Variants in SGCZ observed in about 807,000 individuals in gnomAD.
SGCZ encodes the protein zeta-sarcoglycan.
In SGCZ, 40 loss-of-function variants were observed where a neutral mutation model predicts 41.3. The ratio of observed to expected loss-of-function variants is 0.97; its 90% confidence interval spans 0.75 to 1.26. The LOEUF (loss-of-function observed/expected upper bound fraction) is 1.26. SGCZ is among the 50% of genes most tolerant of loss of function. The pLI is 0.00. For synonymous variants in SGCZ, 206 were observed against 137.5 expected (o/e 1.50, Z -3.49); for missense variants, 552 against 369.8 (o/e 1.49, Z -4.04).
chr8:14,231,424 C>A (rs1467988489), intron 4 of SGCZ, among the ~76,000 whole-genome samples: 1 of 151,944 alleles, frequency 6.6e-6, no homozygotes, highest in Non-Finnish European at 1.5e-5. Context: ...CAGAAACAAA[C>A]AGGTCCAGCC....
chr8:14,513,890 T>C (rs1802536210), intron 2 of SGCZ, among the ~76,000 whole-genome samples: 1 of 152,056 alleles, frequency 6.6e-6, no homozygotes, highest in Admixed American at 6.6e-5. Context: ...TGGGGGACAA[T>C]GTGAACTAAA....
intron 2 of SGCZ, among the ~76,000 whole-genome samples, chr8:14,549,457 G>T (rs1803733812): frequency 6.6e-6 from 1 of 151,968 alleles, no homozygotes; most frequent in African/African-American, 2.4e-5. Context: ...GAGAACAAGT[G>T]AAAAAATTAA....
At chr8:15,050,628 T>A (rs1175037097) in intron 1 of SGCZ, among the ~76,000 whole-genome samples, 1 of 152,130 alleles carries the variant, frequency 6.6e-6, no homozygotes, top group Non-Finnish European at 1.5e-5. Flanking sequence ...ATTGAGAGTT[T>A]TCAACATGGA....
chr8:14,910,739 C>G (rs936743865), intron 1 of SGCZ, among the ~76,000 whole-genome samples: 3 of 151,766 alleles, frequency 2.0e-5, no homozygotes, highest in Non-Finnish European at 4.4e-5. Context: ...TTTTATTATA[C>G]CTATTATGAA....
chr8:14,687,171 AATATAT>A (rs59722242), intron 1 of SGCZ, among the ~76,000 whole-genome samples: 5 of 141,328 alleles, frequency 3.5e-5, no homozygotes, highest in African/African-American at 7.9e-5. Context: ...AGAAAAAAAA[AATATAT>A]ATATATATAT....
chr8:14,917,049 G>C (rs1001848126), intron 1 of SGCZ, among the ~76,000 whole-genome samples: 1 of 152,022 alleles, frequency 6.6e-6, no homozygotes, highest in Non-Finnish European at 1.5e-5. Context: ...CAAACAGACA[G>C]CTTGACATAT....
chr8:15,003,764 T>C (rs114579629), intron 1 of SGCZ, among the ~76,000 whole-genome samples: 3,046 of 152,216 alleles, frequency 0.02, 97 homozygotes, highest in African/African-American at 0.069. Context: ...GAGAACTAAT[T>C]TTTTGGCAAG....
At chr8:14,149,283 C>A (rs1036301290) in intron 5 of SGCZ, among the ~76,000 whole-genome samples, 28 of 152,028 alleles carry the variant, frequency 1.8e-4, no homozygotes, top group African/African-American at 5.8e-4. Flanking sequence ...CTAAGAAAAA[C>A]CTCAAGATTC....
At chr8:14,224,634 A>C (rs966529084) in intron 4 of SGCZ, among the ~76,000 whole-genome samples, 22 of 152,312 alleles carry the variant, frequency 1.4e-4, no homozygotes, top group African/African-American at 5.3e-4. Context: ...AAAAACAGTA[A>C]GTTCATATCT....
At chr8:14,989,988 G>A (rs569907568) in intron 1 of SGCZ, among the ~76,000 whole-genome samples, 109 of 152,172 alleles carry the variant, frequency 7.2e-4, no homozygotes, top group African/African-American at 2.4e-3. Flanking sequence ...CATGACTGAG[G>A]CACTATTAAT....
At chr8:14,673,171 T>C (rs1475372457) in intron 1 of SGCZ, among the ~76,000 whole-genome samples, 1 of 152,224 alleles carries the variant, frequency 6.6e-6, no homozygotes, top group East Asian at 1.9e-4. Flanking sequence ...TTACCCTGTA[T>C]TGTAACCACT....
At chr8:14,876,219 A>G (rs1804351812) in intron 1 of SGCZ, among the ~76,000 whole-genome samples, 1 of 152,204 alleles carries the variant, frequency 6.6e-6, no homozygotes, top group African/African-American at 2.4e-5. Flanking sequence ...AAATTTAAAA[A>G]TACATAGAAA....
At chr8:15,054,930 C>G (rs544962273) in intron 1 of SGCZ, among the ~76,000 whole-genome samples, 1 of 150,262 alleles carries the variant, frequency 6.7e-6, no homozygotes, top group Admixed American at 6.6e-5. Flanking sequence ...CCACTGCACT[C>G]CAGCCTGGGC....
At chr8:14,260,770 A>T (rs1799634212) in intron 3 of SGCZ, among the ~76,000 whole-genome samples, 1 of 152,226 alleles carries the variant, frequency 6.6e-6, no homozygotes. Context: ...TGCAGTCATA[A>T]ACAATGATGA....
chr8:15,149,805 TA>T (rs1350373422), intron 1 of SGCZ, among the ~76,000 whole-genome samples: 1 of 151,192 alleles, frequency 6.6e-6, no homozygotes, highest in African/African-American at 2.4e-5. Flanking sequence ...GCAATTCTTC[TA>T]AAAATACACA....
chr8:14,618,639 G>C (rs1343402447), intron 1 of SGCZ, among the ~76,000 whole-genome samples: 1 of 152,146 alleles, frequency 6.6e-6, no homozygotes, highest in East Asian at 1.9e-4. Flanking sequence ...AGTCAATGAA[G>C]GATTTTAAAG....
At chr8:14,630,321 AAGAG>A (rs1417590089) in intron 1 of SGCZ, among the ~76,000 whole-genome samples, 1 of 151,650 alleles carries the variant, frequency 6.6e-6, no homozygotes, top group Non-Finnish European at 1.5e-5. Flanking sequence ...GGGCTGTTCT[AAGAG>A]AGAGGCTTGG....
At chr8:14,562,238 T>C (rs981229816) in intron 1 of SGCZ, among the ~76,000 whole-genome samples, 11 of 152,172 alleles carry the variant, frequency 7.2e-5, no homozygotes, top group Admixed American at 7.2e-4. Flanking sequence ...TTTATATAAG[T>C]ATTCAGGACT....
intron 1 of SGCZ, among the ~76,000 whole-genome samples, chr8:14,639,762 T>C (rs919701407): frequency 1.3e-5 from 2 of 151,740 alleles, no homozygotes; most frequent in Non-Finnish European, 2.9e-5. Flanking sequence ...GAAAAGAAGA[T>C]GATTCTCATG....
Sources: gnomAD v4.1 joint callset for allele counts (sites outside exome capture counted in the v4.1 genomes callset) on GRCh38, gnomAD v4.1.1 for gene constraint, MANE v1.5 for transcripts, NCBI Gene and HGNC (gene_info 2026-07-23, HGNC 2026-07-21) for gene names.